TDP1: variants seen among roughly 807,000 people sequenced by gnomAD.
TDP1 encodes tyrosyl-DNA phosphodiesterase 1.
TDP1 carries 64 observed loss-of-function variants against 81.5 expected under a neutral mutation model. That is an observed-to-expected ratio of 0.79 (90% CI 0.64 to 0.97). The LOEUF (loss-of-function observed/expected upper bound fraction) is 0.97. Ranked by LOEUF, TDP1 falls within the 50% of genes least tolerant of loss-of-function variation. The pLI is 0.00. For synonymous variants in TDP1, 256 were observed against 264.3 expected, an observed-to-expected ratio of 0.97 and a Z score of 0.30; for missense variants, 723 against 743.8, an observed-to-expected ratio of 0.97 and a Z score of 0.33.
At chr14:89,994,982 T>TC (rs1896538133) in intron 14 of TDP1, among the ~76,000 whole-genome samples, 1 of 152,238 alleles carries the variant, frequency 6.6e-6, no homozygotes, top group Non-Finnish European at 1.5e-5. Context: ...TCAAAAAACA[T>TC]CCACTGTCAG....
At chr14:90,017,637 C>T (rs1885470115) in intron 14 of TDP1, among the ~76,000 whole-genome samples, 1 of 152,130 alleles carries the variant, frequency 6.6e-6, no homozygotes, top group Non-Finnish European at 1.5e-5. Context: ...TGTCATGATA[C>T]TGATAGTCAA....
At chr14:89,964,708 T>C (rs1256803304) in intron 3 of TDP1, 1 of 290,160 alleles carries the variant, frequency 3.4e-6, no homozygotes, top group East Asian at 1.1e-4. Flanking sequence ...GTCAAGTTTT[T>C]TGTTTGTTTG....
chr14:89,962,873 CAA>C (rs113407792), intron 2 of TDP1: 86 of 713,734 alleles, frequency 1.2e-4, no homozygotes, highest in Admixed American at 2.1e-4. Context: ...GACCCTGTTT[CAA>C]AAAAAAAAAG....
Position 89,963,214 on chromosome 14 carries a change from C to T in TDP1, c.100C>T (p.Leu34Phe). Residue 34 changes from leucine (L) to phenylalanine (F), a missense_variant, in exon 3 of 17, where the codon CTC becomes TTC. By Grantham distance (22) the Leu-to-Phe change is conservative. Coordinates refer to ENST00000335725, the MANE Select transcript of TDP1 (RefSeq NM_018319.4). ...KPDKPSTSSLLCARQGAANEP... is the reference protein window; with the variant it reads ...KPDKPSTSSLFCARQGAANEP... ...AGACAAGCCATCTACCTCTTCTCTT[C>T]TCTGTGCCAGGCAAGGAGCAGCAAA... The T allele has an allele frequency of 6.2e-7, 1 of 1,614,176 alleles. No homozygotes were observed. The highest frequency in any genetic ancestry group is 8.5e-7 in the Non-Finnish European group (1 of 1,180,018).
chr14:89,988,940 A>T lies in TDP1; in HGVS notation c.1167A>T (p.Ala389=), dbSNP rs751167971. The change falls in exon 11 of 17, where the codon GCA becomes GCT. Residue 389 remains alanine (A), a synonymous_variant. Coordinates refer to ENST00000335725, the MANE Select transcript of TDP1 (RefSeq NM_018319.4). ...LKDHASSMPN[A]ESWPVVGQFS... Reference sequence around the variant, plus strand: ...ACCATGCCTCATCCATGCCTAACGCAGAGTCCTGGCCTGTCGTAGGTCAGT... The same window carrying T: ...ACCATGCCTCATCCATGCCTAACGCTGAGTCCTGGCCTGTCGTAGGTCAGT... 2 of 1,614,212 alleles carry T rather than the reference A, an allele frequency of 1.2e-6. No individual in the cohort carries two copies.
intron 3 of TDP1, chr14:89,965,037 G>A: frequency 5.5e-6 from 1 of 182,874 alleles, no homozygotes; most frequent in Non-Finnish European, 1.2e-5. Flanking sequence ...GAGGAAGGGG[G>A]ACTTCAAAAG....
intron 6 of TDP1, chr14:89,975,430 A>T: frequency 1.0e-6 from 1 of 985,298 alleles, no homozygotes; most frequent in Non-Finnish European, 1.2e-6. Flanking sequence ...ATTTCTGTAT[A>T]AGCCAAATAT....
intron 13 of TDP1, 82 bp downstream of exon 13, chr14:89,992,065 A>T (rs534096148): frequency 3.8e-4 from 409 of 1,078,006 alleles, no homozygotes; most frequent in Non-Finnish European, 4.7e-4. Context: ...TTTTTTTTTT[A>T]AAAGGAACTT....
rs754369970 is a variant in TDP1 at position 89,963,539 on chromosome 14, A to G, written c.425A>G (p.Glu142Gly). 19 of 1,608,204 alleles carry G rather than the reference A, an allele frequency of 1.2e-5. No homozygotes were observed. Among genetic ancestry groups the G allele is most frequent in the Non-Finnish European group, 1.6e-5 (19 of 1,176,810 alleles). The stretch of plus-strand genomic sequence containing the variant: ...GCCTGCCACAGGCTCAAAGAGGAGG[A>G]AGACGAGTATGAGACATCAGGGGAG... ...APACHRLKEEEDEYETSGEGQ... is the reference protein window; with the variant it reads ...APACHRLKEEGDEYETSGEGQ... The change falls in exon 3 of 17, where the codon GAA (glutamate) becomes GGA (glycine). Residue 142 changes from glutamate to glycine, a missense_variant. Coordinates refer to ENST00000335725, the MANE Select transcript of TDP1 (RefSeq NM_018319.4).
At chr14:89,957,397 T>G (rs1342118276) in intron 2 of TDP1, among the ~76,000 whole-genome samples, 5 of 152,222 alleles carry the variant, frequency 3.3e-5, no homozygotes, top group African/African-American at 1.2e-4. Context: ...TGATATCCAT[T>G]TCACAGACTA....
intron 10 of TDP1, among the ~76,000 whole-genome samples, chr14:89,987,884 T>A (rs942052706): frequency 3.9e-5 from 6 of 151,952 alleles, no homozygotes; most frequent in African/African-American, 7.3e-5. Flanking sequence ...ACATTTTTTT[T>A]AAAGAAATAT....
At chr14:89,993,266 C>T (rs1896373734) in intron 13 of TDP1, 110 bp from the exon 14 acceptor site, 2 of 1,270,038 alleles carry the variant, frequency 1.6e-6, no homozygotes, top group Non-Finnish European at 2.2e-6. Flanking sequence ...GTCGTGTAGC[C>T]ACTGTTGATT....
chr14:89,991,191 A>G lies in TDP1; in HGVS notation c.1367-726A>G, dbSNP rs1896137702. On this transcript the variant is annotated intron_variant, in intron 12 of 16. Transcript: ENST00000335725. ...CTGTCCAGCTGTGTCTTATTTGCAT[A>G]AGGAGGGTAGGATGGGCCAGGATTC... Among the ~76,000 whole-genome samples the G allele has an allele frequency of 2.0e-5, 3 of 152,130 alleles. No individual in the cohort carries two copies. The South Asian group carries it at 6.2e-4, about 32-fold the overall frequency.
chr14:90,041,572 C>CCT, intron 16 of TDP1, among the ~76,000 whole-genome samples: 1 of 152,292 alleles, frequency 6.6e-6, no homozygotes, highest in Non-Finnish European at 1.5e-5. Context: ...CTACCATCTG[C>CCT]CTCTGTTCAA....
At chr14:90,006,029 G>A (rs181337657) in intron 14 of TDP1, among the ~76,000 whole-genome samples, 195 of 152,236 alleles carry the variant, frequency 1.3e-3, no homozygotes, top group Non-Finnish European at 2.4e-3. Flanking sequence ...CTATGCCATC[G>A]GGCACCAAGG....
At chr14:90,014,205 C>T (rs1885048683) in intron 14 of TDP1, among the ~76,000 whole-genome samples, 1 of 152,166 alleles carries the variant, frequency 6.6e-6, no homozygotes, top group Non-Finnish European at 1.5e-5. Flanking sequence ...ATGCTTGAGA[C>T]AGAAATTGGA....
At chr14:90,000,809 C>T (rs553185041) in intron 14 of TDP1, among the ~76,000 whole-genome samples, 1 of 152,202 alleles carries the variant, frequency 6.6e-6, no homozygotes, top group Non-Finnish European at 1.5e-5. Flanking sequence ...CCCTTGTACA[C>T]ACTCAAAAGA....
intron 13 of TDP1, 62 bp from the exon 14 acceptor site, chr14:89,993,314 A>T: frequency 7.1e-7 from 1 of 1,417,180 alleles, no homozygotes; most frequent in Non-Finnish European, 9.9e-7. Context: ...GCAGTTTCCT[A>T]ATATTAGGAT....
chr14:90,002,655 C>T (rs1048342498), intron 14 of TDP1, among the ~76,000 whole-genome samples: 9 of 150,858 alleles, frequency 6.0e-5, no homozygotes, highest in African/African-American at 9.8e-5. Flanking sequence ...GGATCACTTG[C>T]GCTCAGGAAT....
Sources: allele counts gnomAD v4.1 joint callset (sites outside exome capture counted in the v4.1 genomes callset), GRCh38; gene constraint gnomAD v4.1.1; transcripts MANE v1.5; gene names NCBI Gene and HGNC (gene_info 2026-07-23, HGNC 2026-07-21).